Variants in AR observed in about 807,000 individuals in gnomAD.
The protein encoded by AR is dihydrotestosterone receptor.
Under a neutral mutation model 53.9 loss-of-function variants are expected in AR, and 8 were observed. The ratio of observed to expected loss-of-function variants is 0.15; its 90% confidence interval spans 0.09 to 0.27. The LOEUF (loss-of-function observed/expected upper bound fraction) is 0.27. Among genes scored for constraint, AR ranks in the 10% least tolerant of loss-of-function variants. The pLI is 1.00. For missense variants in AR, 639 were observed against 742.5 expected (o/e 0.86, Z 1.62); for synonymous variants, 359 against 316.4 (o/e 1.13, Z -1.43).
At chrX:67,666,544 T>C (rs1363925473) in intron 2 of AR, among the ~76,000 whole-genome samples, 3 of 111,903 alleles carry the variant, frequency 2.7e-5, no homozygotes, top group African/African-American at 9.7e-5. Flanking sequence ...CTCTTTGATA[T>C]ACTGATTTTC....
rs1007751157 is a variant in AR, at chrX:67,697,929, G to A, written c.1885+11803G>A. 4.5e-5 allele frequency among the ~76,000 whole-genome samples: 5 copies of A among 111,661 alleles called. No individual in the cohort carries two copies. The East Asian group carries it at 1.4e-3, about 32-fold the overall frequency. On this transcript the variant is annotated intron_variant, in intron 3 of 7. Transcript: ENST00000374690. ...ATGCTTTAATCTTGGAGTCCTGGTG[G>A]TACAGAATCTGCCTTCTACTCTCAG...
At chrX:67,622,794 A>G (rs1924441643) in intron 1 of AR, among the ~76,000 whole-genome samples, 1 of 111,875 alleles carries the variant, frequency 8.9e-6, no homozygotes, top group Non-Finnish European at 1.9e-5. Context: ...TGCAAGCAAA[A>G]AAAGTTTTTT....
rs2076014761 is a variant in AR, at chrX:67,695,318, C to T, written c.1885+9192C>T. 9.3e-6 allele frequency: 7 copies of T among 752,372 alleles called. 1 individual carries two copies. The South Asian group carries it at 2.7e-4, about 29-fold the overall frequency. 62.0% of individuals were successfully genotyped at this position (752,372 alleles called of 1,213,427 possible). A position where few individuals can be genotyped will look rare whatever the true frequency, so the allele number is the denominator to read the frequency against. The stretch of plus-strand genomic sequence containing the variant: ...CCTGTCACTGAGCTGAAGGTAGTAG[C>T]TGATCCACAGAAGTTCAGTAAACAA... On this transcript the variant is annotated intron_variant, in intron 3 of 7. Coordinates refer to ENST00000374690, the MANE Select transcript of AR (RefSeq NM_000044.6).
At chrX:67,632,646 C>T (rs901416785) in intron 1 of AR, among the ~76,000 whole-genome samples, 5 of 111,830 alleles carry the variant, frequency 4.5e-5, no homozygotes, top group South Asian at 3.7e-4. Context: ...TGTTCCTATT[C>T]GGCCATCTTG....
At chrX:67,660,302 G>C (rs1438792838) in intron 2 of AR, among the ~76,000 whole-genome samples, 1 of 111,801 alleles carries the variant, frequency 8.9e-6, no homozygotes, top group East Asian at 2.8e-4. Flanking sequence ...CCTATGTCCT[G>C]AATGGTATTG....
intron 1 of AR, among the ~76,000 whole-genome samples, chrX:67,591,175 A>G (rs1178569863): frequency 9.0e-6 from 1 of 111,564 alleles, no homozygotes; most frequent in African/African-American, 3.3e-5. Flanking sequence ...CTAGAAACAG[A>G]ATTTGGGAAC....
intron 1 of AR, 31 bp from the exon 2 acceptor site, chrX:67,643,225 T>G: frequency 1.7e-6 from 2 of 1,209,702 alleles, no homozygotes; most frequent in Non-Finnish European, 2.2e-6. Flanking sequence ...TTCAGTGACA[T>G]GTGTTGCATT....
At chrX:67,605,507 G>A (rs919741799) in intron 1 of AR, among the ~76,000 whole-genome samples, 3 of 111,567 alleles carry the variant, frequency 2.7e-5, no homozygotes, top group African/African-American at 9.7e-5. Flanking sequence ...TTTTTGCTTA[G>A]ATAGTTCCAC....
At chrX:67,590,327 G>C (rs1201467077) in intron 1 of AR, among the ~76,000 whole-genome samples, 1 of 111,572 alleles carries the variant, frequency 9.0e-6, no homozygotes, top group Non-Finnish European at 1.9e-5. Context: ...CTAGTTCTTT[G>C]CTATGATAAC....
At chrX:67,719,705 C>G (rs2076127883) in intron 5 of AR, among the ~76,000 whole-genome samples, 1 of 112,106 alleles carries the variant, frequency 8.9e-6, no homozygotes, top group South Asian at 3.7e-4. Context: ...ATACCTGGCA[C>G]CAGCCTACTC....
intron 1 of AR, among the ~76,000 whole-genome samples, chrX:67,609,603 G>A (rs1321808205): frequency 8.2e-5 from 9 of 110,413 alleles, no homozygotes; most frequent in Admixed American, 6.8e-4. Flanking sequence ...AAGGTGATAC[G>A]AAATATATCC....
chrX:67,726,793 A>C lies in AR; in HGVS notation c.*2952A>C. ...AGCCAATGTAATTGACAGAAGTCTCATTTTGCATGCGCTCTGCTCTACAAA... is the reference window on the plus strand; with the variant it reads ...AGCCAATGTAATTGACAGAAGTCTCCTTTTGCATGCGCTCTGCTCTACAAA... On this transcript the variant is annotated 3_prime_UTR_variant, in exon 8 of 8. Coordinates refer to ENST00000374690, the MANE Select transcript of AR (RefSeq NM_000044.6). 1 of 173,021 alleles carries C rather than the reference A, an allele frequency of 5.8e-6. No homozygotes were observed. The highest frequency in any genetic ancestry group is 3.2e-4 in the South Asian group (1 of 3,158). The allele number at this position is 173,021 out of a possible 1,213,427, so 14.3% of individuals were successfully genotyped here.
intron 1 of AR, among the ~76,000 whole-genome samples, chrX:67,587,674 A>G (rs1412244007): frequency 9.0e-6 from 1 of 111,725 alleles, no homozygotes; most frequent in Non-Finnish European, 1.9e-5. Context: ...ATGAAAAAAG[A>G]AAAGGATGGA....
chrX:67,692,294 G>A (rs1347663938), intron 3 of AR, among the ~76,000 whole-genome samples: 1 of 112,454 alleles, frequency 8.9e-6, no homozygotes, highest in Non-Finnish European at 1.9e-5. Flanking sequence ...CCCTCAGGCT[G>A]GTGATGCAAG....
intron 2 of AR, among the ~76,000 whole-genome samples, chrX:67,683,441 C>T (rs754696707): frequency 5.4e-5 from 6 of 111,032 alleles, no homozygotes; most frequent in African/African-American, 2.0e-4. Flanking sequence ...GAAATCCAGA[C>T]ATCCTTCAAG....
chrX:67,551,477 A>G (rs1929995251), intron 1 of AR, among the ~76,000 whole-genome samples: 1 of 111,911 alleles, frequency 8.9e-6, no homozygotes, highest in African/African-American at 3.2e-5. Context: ...AATTGCTTAT[A>G]AAGTTCTGTA....
rs1316256118 is a variant in AR at position 67,546,525 on chromosome X, G to C, written c.1379G>C (p.Gly460Ala). Residue 460 changes from glycine to alanine, a missense_variant, in exon 1 of 8, where the codon GGC becomes GCC. Coordinates refer to ENST00000374690, the MANE Select transcript of AR (RefSeq NM_000044.6). Reference protein sequence around the residue: ...CGGGGGGGGGGGGGGGGGGGG... With the variant: ...CGGGGGGGGGAGGGGGGGGGG... ...GGTGGTGGGGGTGGTGGCGGCGGCG[G>C]CGGCGGCGGCGGCGGCGGCGGCGGC... is the stretch of plus-strand genomic sequence containing the variant. The C allele has an allele frequency of 1.4e-6, 1 of 716,058 alleles. No individual in the cohort carries two copies. Among genetic ancestry groups the C allele is most frequent in the East Asian group, 8.9e-5 (1 of 11,241 alleles). The allele number at this position is 716,058 out of a possible 1,213,427, so 59.0% of individuals were successfully genotyped here.
intron 1 of AR, among the ~76,000 whole-genome samples, chrX:67,561,209 C>G (rs886331495): frequency 8.9e-6 from 1 of 112,022 alleles, no homozygotes; most frequent in Non-Finnish European, 1.9e-5. Context: ...CAGCACATAA[C>G]TTAACAGTGG....
At chrX:67,667,492 T>TC (rs1927325627) in intron 2 of AR, among the ~76,000 whole-genome samples, 2 of 111,717 alleles carry the variant, frequency 1.8e-5, no homozygotes, top group Non-Finnish European at 3.8e-5. Context: ...GGTAATGTGA[T>TC]TCTTCCAGTT....
Sources: allele counts gnomAD v4.1 joint callset (sites outside exome capture counted in the v4.1 genomes callset), GRCh38; gene constraint gnomAD v4.1.1; transcripts MANE v1.5; gene names NCBI Gene and HGNC (gene_info 2026-07-23, HGNC 2026-07-21).